The following SLC5A4 variants were observed in gnomAD, a reference collection of about 807,000 sequenced individuals.
The protein encoded by SLC5A4 is solute carrier family 5 member 4.
In SLC5A4, 55 loss-of-function variants were observed where a neutral mutation model predicts 70.3. The ratio of observed to expected loss-of-function variants is 0.78; its 90% CI spans 0.63 to 0.98. The LOEUF (loss-of-function observed/expected upper bound fraction) is 0.98. SLC5A4 is among the 50% of genes least tolerant of loss of function. The pLI is 0.00. For synonymous variants in SLC5A4, 268 were observed against 305.7 expected, an observed-to-expected ratio of 0.88 and a Z score of 1.29; for missense variants, 735 against 839.2, an observed-to-expected ratio of 0.88 and a Z score of 1.53.
chr22:32,327,995 T>C, the SLC5A4 span, among the ~76,000 whole-genome samples: 1 of 151,964 alleles, frequency 6.6e-6, no homozygotes, highest in South Asian at 2.1e-4. Context: ...CTGTGTGACC[T>C]TGGACCAGGT....
chr22:32,271,507 G>A, the SLC5A4 span: 14 of 721,290 alleles, frequency 1.9e-5, no homozygotes, highest in South Asian at 1.5e-4. Context: ...ATCAGCTTCC[G>A]TGAGAAGAAG....
chr22:32,341,182 C>A, the SLC5A4 span, among the ~76,000 whole-genome samples: 3 of 151,870 alleles, frequency 2.0e-5, no homozygotes, highest in Non-Finnish European at 4.4e-5. Context: ...GGGAGAGAGA[C>A]CAGGGGAGAA....
At chr22:32,306,864 G>A in the SLC5A4 span, among the ~76,000 whole-genome samples, 1 of 152,036 alleles carries the variant, frequency 6.6e-6, no homozygotes, top group African/African-American at 2.4e-5. Context: ...GGGAACAATA[G>A]GAAGAAACTG....
intron 11 of SLC5A4, among the ~76,000 whole-genome samples, chr22:32,227,969 A>G (rs1368967423): frequency 6.6e-6 from 1 of 152,156 alleles, no homozygotes; most frequent in Admixed American, 6.5e-5. Flanking sequence ...TGTCTTGAAA[A>G]AAAAATTGTA....
intron 12 of SLC5A4, 26 bp from the exon 13 acceptor site, chr22:32,224,508 A>G: frequency 6.5e-7 from 1 of 1,541,672 alleles, no homozygotes; most frequent in Non-Finnish European, 9.0e-7. Flanking sequence ...GAAGAAAATC[A>G]GAATGTTTAG....
chr22:32,254,843 A>T (rs956379626), intron 1 of SLC5A4, among the ~76,000 whole-genome samples: 1 of 152,124 alleles, frequency 6.6e-6, no homozygotes, highest in Non-Finnish European at 1.5e-5. Flanking sequence ...TTATTAAAAT[A>T]AAAAAATTCA....
At chr22:32,352,576 T>G in the SLC5A4 span, among the ~76,000 whole-genome samples, 5 of 151,736 alleles carry the variant, frequency 3.3e-5, no homozygotes, top group South Asian at 8.4e-4. Flanking sequence ...CGGGGAAGAC[T>G]CCTCCTTCCC....
intron 8 of SLC5A4, 59 bp from the exon 9 acceptor site, chr22:32,233,093 C>A: frequency 6.4e-7 from 1 of 1,567,672 alleles, no homozygotes; most frequent in South Asian, 1.2e-5. Context: ...CAAAGGCAGT[C>A]AGCGTCCCTT....
chr22:32,270,221 T>C, the SLC5A4 span: 11 of 679,492 alleles, frequency 1.6e-5, no homozygotes, highest in Non-Finnish European at 2.5e-5. Flanking sequence ...ATCCTTAACA[T>C]TGGACCCTGC....
chr22:32,279,586 T>C, the SLC5A4 span, among the ~76,000 whole-genome samples: 1 of 151,498 alleles, frequency 6.6e-6, no homozygotes, highest in Non-Finnish European at 1.5e-5. Flanking sequence ...AGGTCAGGAG[T>C]ACAAGACCAG....
At chr22:32,223,265 T>C (rs900511856) in intron 13 of SLC5A4, among the ~76,000 whole-genome samples, 16 of 152,180 alleles carry the variant, frequency 1.1e-4, no homozygotes, top group Admixed American at 1.3e-4. Context: ...TATACACATA[T>C]TTTTCCTACT....
chr22:32,292,769 T>C, the SLC5A4 span, among the ~76,000 whole-genome samples: 11 of 151,416 alleles, frequency 7.3e-5, no homozygotes, highest in African/African-American at 2.6e-4. Flanking sequence ...GAATGCATTG[T>C]TCTAGATATC....
At chr22:32,331,130 G>A in the SLC5A4 span, among the ~76,000 whole-genome samples, 2 of 105,332 alleles carry the variant, frequency 1.9e-5, no homozygotes, top group African/African-American at 6.2e-5. Flanking sequence ...CGAGGCTCTG[G>A]TGTGTCTGTG....
the SLC5A4 span, among the ~76,000 whole-genome samples, chr22:32,267,582 G>C: frequency 6.6e-6 from 1 of 152,148 alleles, no homozygotes; most frequent in Non-Finnish European, 1.5e-5. Flanking sequence ...GGGCTCAGGC[G>C]ATCCTCCCGA....
chr22:32,335,921 CATT>C, the SLC5A4 span, among the ~76,000 whole-genome samples: 6 of 152,218 alleles, frequency 3.9e-5, no homozygotes, highest in East Asian at 1.9e-4. Flanking sequence ...CGGTTTCCAT[CATT>C]GTCACGGGAG....
the SLC5A4 span, among the ~76,000 whole-genome samples, chr22:32,319,870 A>T: frequency 6.6e-6 from 1 of 152,294 alleles, no homozygotes; most frequent in Non-Finnish European, 1.5e-5. Context: ...TTGGCCCATG[A>T]CTATATCCCC....
At chr22:32,336,483 C>T in the SLC5A4 span, among the ~76,000 whole-genome samples, 1 of 152,210 alleles carries the variant, frequency 6.6e-6, no homozygotes, top group Non-Finnish European at 1.5e-5. Flanking sequence ...TCTTCCGGGG[C>T]AGGATTATAG....
At chr22:32,352,726 C>A in the SLC5A4 span, among the ~76,000 whole-genome samples, 14 of 152,334 alleles carry the variant, frequency 9.2e-5, 1 homozygote, top group Admixed American at 8.5e-4. Context: ...AGCACCGATG[C>A]TAATACAACT....
chr22:32,306,260 TC>T, the SLC5A4 span, among the ~76,000 whole-genome samples: 3 of 152,026 alleles, frequency 2.0e-5, no homozygotes, highest in African/African-American at 7.2e-5. Context: ...GGTTAGGAGA[TC>T]GAGACCATCC....
Sources: allele counts gnomAD v4.1 joint callset (sites outside exome capture counted in the v4.1 genomes callset), GRCh38; gene constraint gnomAD v4.1.1; transcripts MANE v1.5; gene names NCBI Gene and HGNC (gene_info 2026-07-23, HGNC 2026-07-21).